Variants in DOCK2 observed in about 807,000 individuals in gnomAD.
The protein encoded by DOCK2 is dedicator of cytokinesis protein 2.
A neutral mutation model predicts 248.9 loss-of-function variants in DOCK2; 87 were observed. That is an observed-to-expected ratio of 0.35 (90% confidence interval 0.29 to 0.42). DOCK2 has a LOEUF of 0.42. Ranked by LOEUF, DOCK2 falls within the 10% of genes least tolerant of loss-of-function variation. The pLI, the probability that DOCK2 is intolerant of heterozygous loss-of-function variation, is 1.00. For synonymous variants in DOCK2, 805 were observed against 821.6 expected (o/e 0.98, Z 0.35); for missense variants, 1,747 against 2,300.2 (o/e 0.76, Z 4.92).
At chr5:170,075,880 T>A in intron 46 of DOCK2, 67 bp from the exon 47 acceptor site, 1 of 1,594,654 alleles carries the variant, frequency 6.3e-7, no homozygotes, top group Non-Finnish European at 8.6e-7. Flanking sequence ...GCTGCCTTGA[T>A]GGGCGGGGTG....
At chr5:170,000,518 AG>A (rs1754795172) in intron 30 of DOCK2, 1 of 152,220 alleles carries the variant, frequency 6.6e-6, no homozygotes, top group Admixed American at 6.5e-5. Context: ...TCTGGATTCC[AG>A]GAGACAGCTC....
At chr5:169,808,076 C>T (rs1767507083) in intron 26 of DOCK2, among the ~76,000 whole-genome samples, 1 of 151,916 alleles carries the variant, frequency 6.6e-6, no homozygotes, top group African/African-American at 2.4e-5. Flanking sequence ...TAAAAAAGGC[C>T]CCCAGAGCAA....
chr5:169,869,575 G>C (rs764756730), intron 27 of DOCK2, among the ~76,000 whole-genome samples: 6 of 152,090 alleles, frequency 3.9e-5, no homozygotes, highest in Non-Finnish European at 8.8e-5. Flanking sequence ...TAAATGGGGA[G>C]GGACAGAGCC....
intron 27 of DOCK2, among the ~76,000 whole-genome samples, chr5:169,968,480 A>T (rs17561105): frequency 0.31 from 46,556 of 151,990 alleles, 7,362 homozygotes; most frequent in Admixed American, 0.36. Flanking sequence ...TATGATTAAG[A>T]TACCACATTA....
At position 169,747,481 on chromosome 5, in the gene DOCK2, T is replaced by C. The variant is rs376374557; in HGVS notation, c.2353T>C (p.Tyr785His). ...CATCAACAATCTGATGAAAAGTCAA[T>C]ACAAAACTACCATCCTTTTGCAGGT... ...ESINNLMKSQ[Y>H]KTTILLQVAA... The change falls in exon 23 of 52, where the codon TAC (tyrosine) becomes CAC (histidine). Residue 785 changes from tyrosine to histidine, a missense_variant. Around this residue, in one of 4 missense-constraint regions of DOCK2, gnomAD observed 858 missense variants for 1,183.5 expected, o/e 0.72. Coordinates refer to ENST00000520908, the MANE Select transcript of DOCK2 (RefSeq NM_004946.3). 6 of 1,613,434 alleles carry C rather than the reference T, an allele frequency of 3.7e-6. No homozygotes were observed. The highest frequency in any genetic ancestry group is 5.1e-6 in the Non-Finnish European group (6 of 1,179,730).
intron 32 of DOCK2, among the ~76,000 whole-genome samples, chr5:170,018,093 C>T (rs754022832): frequency 2.6e-5 from 4 of 151,996 alleles, no homozygotes; most frequent in Admixed American, 2.0e-4. Flanking sequence ...TCAAACGATT[C>T]GACATATAAA....
chr5:169,966,507 T>G (rs1439511194), intron 27 of DOCK2, among the ~76,000 whole-genome samples: 1 of 152,140 alleles, frequency 6.6e-6, no homozygotes, highest in African/African-American at 2.4e-5. Flanking sequence ...AAGATCCCCA[T>G]GAAGTCAGCA....
At chr5:169,731,936 A>G (rs1003212467) in intron 22 of DOCK2, among the ~76,000 whole-genome samples, 12 of 152,094 alleles carry the variant, frequency 7.9e-5, no homozygotes, top group African/African-American at 2.4e-4. Flanking sequence ...CCTGGGCAAC[A>G]TGGTGAAACC....
chr5:170,037,985 C>G (rs1756379790), intron 36 of DOCK2, among the ~76,000 whole-genome samples: 1 of 152,110 alleles, frequency 6.6e-6, no homozygotes, highest in African/African-American at 2.4e-5. Flanking sequence ...TAGCATTACT[C>G]CAGAAATAGG....
rs1297478279 is a variant in DOCK2 at position 169,764,973 on chromosome 5, C to T, written c.2554+3348C>T. Among the ~76,000 whole-genome samples the T allele has an allele frequency of 6.6e-6, 1 of 151,656 alleles. No homozygotes were observed. Among genetic ancestry groups the T allele is most frequent in the African/African-American group, 2.4e-5 (1 of 41,196 alleles). ...GTGAAATATTTGTGATTTCTCACTT[C>T]ATTGTTTGTGTTACTACAGGCTCCA... On this transcript the variant is annotated intron_variant, in intron 25 of 51. Coordinates refer to ENST00000520908, the MANE Select transcript of DOCK2 (RefSeq NM_004946.3). This position sits in a 1 kb window ranked among gnomAD's most constrained non-coding sequence, Gnocchi z 4.3.
intron 25 of DOCK2, among the ~76,000 whole-genome samples, chr5:169,779,027 A>G (rs1765542532): frequency 6.6e-6 from 1 of 152,220 alleles, no homozygotes; most frequent in South Asian, 2.1e-4. Flanking sequence ...GGGGAAGGCC[A>G]CGTGTGGGTG....
Position 169,764,275 on chromosome 5 carries a change from AT to A in DOCK2, c.2554+2652del, listed in dbSNP as rs1764644274. On this transcript the variant is annotated intron_variant, in intron 25 of 51. Transcript: ENST00000520908. This position sits in a 1 kb window ranked among gnomAD's most constrained non-coding sequence, Gnocchi z 4.3. ...CACAGCCTTGAACATTTGTATTGAC[AT>A]TAAGCGGAGGGACCAGAAGGCTTTT... 1.3e-5 allele frequency among the ~76,000 whole-genome samples: 2 copies of A among 152,148 alleles called. No homozygotes were observed. Among genetic ancestry groups the A allele is most frequent in the Admixed American group, 1.3e-4 (2 of 15,276 alleles).
intron 14 of DOCK2, among the ~76,000 whole-genome samples, chr5:169,706,724 A>G (rs1347335929): frequency 1.3e-5 from 2 of 152,230 alleles, no homozygotes; most frequent in African/African-American, 2.4e-5. Context: ...TTTTAAAGAT[A>G]CATTCTGAAA....
At chr5:169,982,116 C>T (rs1777956116) in intron 27 of DOCK2, among the ~76,000 whole-genome samples, 2 of 147,996 alleles carry the variant, frequency 1.4e-5, no homozygotes, top group South Asian at 4.3e-4. Flanking sequence ...GCCAGGCCAT[C>T]TTCCACAAGC....
rs1174910925 is a variant in DOCK2 at position 169,761,512 on chromosome 5, C to T, written c.2448-7C>T. On this transcript the variant is annotated splice_polypyrimidine_tract_variant and splice_region_variant and intron_variant, in intron 24 of 51. Coordinates refer to ENST00000520908, the MANE Select transcript of DOCK2 (RefSeq NM_004946.3). The stretch of plus-strand genomic sequence containing the variant: ...GCTCTACCAGCTCCTATTTTTCCTG[C>T]CCTCAGCCAACTCCTGTATGAGTTC... 3 of 1,612,322 alleles carry T rather than the reference C, an allele frequency of 1.9e-6. No individual in the cohort carries two copies. Among genetic ancestry groups the T allele is most frequent in the East Asian group, 2.2e-5 (1 of 44,838 alleles).
In DOCK2 at chr5:169,680,654, A is replaced by G. The variant is rs547833575; in HGVS notation, c.471-1090A>G. 5.3e-5 allele frequency among the ~76,000 whole-genome samples: 8 copies of G among 152,188 alleles called. 1 individual carries two copies. The East Asian group carries it at 1.5e-3, about 29-fold the overall frequency. The stretch of plus-strand genomic sequence containing the variant: ...GAGGATTGCTTGAGCCCAAGAGTTC[A>G]AGGCTGTGGGAAGCTATGATCACAC... On this transcript the variant is annotated intron_variant, in intron 6 of 51. Transcript: ENST00000520908.
chr5:169,825,648 A>T (rs1463741892), intron 26 of DOCK2, among the ~76,000 whole-genome samples: 1 of 150,922 alleles, frequency 6.6e-6, no homozygotes, highest in African/African-American at 2.4e-5. Flanking sequence ...GAGAGATAGC[A>T]TTAGGAGAAA....
chr5:169,930,277 AC>A (rs1204485628), intron 27 of DOCK2, among the ~76,000 whole-genome samples: 1 of 152,200 alleles, frequency 6.6e-6, no homozygotes, highest in African/African-American at 2.4e-5. Context: ...GGCTTGAGCC[AC>A]CGCACCTGGC....
chr5:169,828,064 A>G (rs1159384465), intron 26 of DOCK2, among the ~76,000 whole-genome samples: 1 of 152,090 alleles, frequency 6.6e-6, no homozygotes, highest in Non-Finnish European at 1.5e-5. Flanking sequence ...TTTTTTATTT[A>G]TACAGATAGG....
Sources: gnomAD v4.1 joint callset for allele counts (sites outside exome capture counted in the v4.1 genomes callset) on GRCh38, gnomAD v4.1.1 for gene constraint, gnomAD v4.1.1 regional missense constraint, Gnocchi (gnomAD v3.1) non-coding constraint, MANE v1.5 for transcripts, NCBI Gene and HGNC (gene_info 2026-07-23, HGNC 2026-07-21) for gene names.